Variants in HPR observed in about 807,000 individuals in gnomAD.
HPR encodes the protein Haptoglobin-related locus.
HPR carries 17 observed loss-of-function variants against 18.5 expected under a neutral mutation model. The observed-to-expected ratio is 0.92, with a 90% confidence interval of 0.63 to 1.38. The LOEUF (loss-of-function observed/expected upper bound fraction) is 1.38, where lower values mean the gene tolerates loss of function less well. Among genes scored for constraint, HPR ranks in the 40% most tolerant of loss-of-function variants. The pLI, the probability that HPR is intolerant of heterozygous loss-of-function variation, is 0.00. For synonymous variants in HPR, 176 were observed against 165.0 expected (o/e 1.07, Z -0.51); for missense variants, 457 against 432.4 (o/e 1.06, Z -0.51).
chr16:72,066,020 T>C (rs1346107372), intron 1 of HPR, among the ~76,000 whole-genome samples: 2 of 152,190 alleles, frequency 1.3e-5, no homozygotes, highest in Admixed American at 1.3e-4. Context: ...CCCAAGAGCC[T>C]GTTCATTGCC....
chr16:72,071,656 T>C (rs2041656829), intron 1 of HPR, among the ~76,000 whole-genome samples: 1 of 152,208 alleles, frequency 6.6e-6, no homozygotes, highest in Non-Finnish European at 1.5e-5. Flanking sequence ...AGCTTACCCA[T>C]CAGTCTGCCC....
intron 1 of HPR, among the ~76,000 whole-genome samples, chr16:72,072,958 CTG>C (rs1474325370): frequency 6.6e-6 from 1 of 152,160 alleles, no homozygotes; most frequent in Non-Finnish European, 1.5e-5. Flanking sequence ...TCCTTACTCT[CTG>C]TGTTCTCCCT....
At position 72,076,924 on chromosome 16, in the gene HPR, C is replaced by T. The variant is rs368733337; in HGVS notation, c.890C>T (p.Ala297Val). ...KYQEDTCYGD[A>V]GSAFAVHDLE... is the part of the protein sequence containing the mutation. ...CAGGAAGACACCTGCTATGGCGATG[C>T]GGGCAGTGCCTTTGCCGTTCACGAC... The change falls in exon 5 of 5, where the codon GCG (alanine) becomes GTG (valine). Residue 297 changes from alanine to valine, a missense_variant. Transcript: ENST00000540303. The T allele has an allele frequency of 1.8e-4, 291 of 1,614,090 alleles. No individual in the cohort carries two copies. Among genetic ancestry groups the T allele is most frequent in the East Asian group, 4.0e-4 (18 of 44,898 alleles).
At chr16:72,075,099 G>A (rs1237735915) in intron 3 of HPR, 46 bp from the exon 4 acceptor site, 1 of 731,136 alleles carries the variant, frequency 1.4e-6, no homozygotes, top group African/African-American at 1.7e-5. Context: ...TGCTCTGGGT[G>A]CAGACTTGAC....
At chr16:72,065,969 T>C (rs1469482208) in intron 1 of HPR, among the ~76,000 whole-genome samples, 1 of 152,188 alleles carries the variant, frequency 6.6e-6, no homozygotes, top group Non-Finnish European at 1.5e-5. Context: ...CAACTCATGA[T>C]GTTCCTCCCG....
chr16:72,077,054 G>A lies in HPR; in HGVS notation c.1020G>A (p.Trp340Ter), dbSNP rs1398972931. 1.2e-5 allele frequency: 20 copies of A among 1,613,182 alleles called. No individual in the cohort carries two copies. Among genetic ancestry groups the A allele is most frequent in the Non-Finnish European group, 1.6e-5 (19 of 1,179,714 alleles). The change falls in exon 5 of 5, where the codon TGG (tryptophan) becomes TGA (stop). Residue 340 changes from tryptophan to a stop codon, truncating the protein, a stop_gained. Transcript: ENST00000540303. LOFTEE classifies it high-confidence loss of function. ...TGAAGGTGACTTCCATCCAGCACTGGGTTCAGAAGACCATAGCTGAGAACT... is the reference window on the plus strand; with the variant it reads ...TGAAGGTGACTTCCATCCAGCACTGAGTTCAGAAGACCATAGCTGAGAACT... The part of the protein sequence containing the change: ...VYVKVTSIQH[W>*]VQKTIAEN
At chr16:72,069,179 G>GAACAGGCTCCTC (rs1286870428) in intron 1 of HPR, among the ~76,000 whole-genome samples, 31 of 152,284 alleles carry the variant, frequency 2.0e-4, no homozygotes, top group African/African-American at 7.2e-4. Flanking sequence ...CTGATTCTAA[G>GAACAGGCTCCTC]TATGCCTTTG....
At chr16:72,066,859 T>C (rs1362403380) in intron 1 of HPR, among the ~76,000 whole-genome samples, 1 of 152,124 alleles carries the variant, frequency 6.6e-6, no homozygotes, top group African/African-American at 2.4e-5. Flanking sequence ...GTTATCTACT[T>C]TCCAGCAGGT....
At position 72,076,891 on chromosome 16, in the gene HPR, C is replaced by CT; in HGVS notation, c.858dup (p.Lys287Ter). 6.2e-7 allele frequency: 1 copy of CT among 1,614,234 alleles called. No homozygotes were observed. The highest frequency in any genetic ancestry group is 1.1e-5 in the South Asian group (1 of 91,084). The stretch of plus-strand genomic sequence containing the variant: ...GAACACACCTTCTGTGTCGGCATGT[C>CT]TAAGTACCAGGAAGACACCTGCTAT... On this transcript the variant is annotated frameshift_variant, in exon 5 of 5. Coordinates refer to ENST00000540303, the MANE Select transcript of HPR (RefSeq NM_020995.4). LOFTEE classifies it high-confidence loss of function.
At chr16:72,075,315 C>T in intron 4 of HPR, 96 bp downstream of exon 4, 1 of 656,144 alleles carries the variant, frequency 1.5e-6, no homozygotes, top group South Asian at 1.9e-5. Flanking sequence ...CCTCTGAGCA[C>T]ACAAGAGCCA....
chr16:72,064,549 G>A (rs181922599), intron 1 of HPR, among the ~76,000 whole-genome samples: 15 of 152,322 alleles, frequency 9.8e-5, no homozygotes, highest in South Asian at 4.1e-4. Context: ...TTAGCCAACC[G>A]GGTTCGGATT....
In HPR at chr16:72,074,573, C is replaced by T; in HGVS notation, c.193+188C>T. ...TGGGCAGACTAACTTTTGTCAGCCT[C>T]AGGTTTTCTGTTTTGTTAAGGGGAG... is the stretch of plus-strand genomic sequence containing the variant. On this transcript the variant is annotated intron_variant, in intron 3 of 4. Coordinates refer to ENST00000540303, the MANE Select transcript of HPR (RefSeq NM_020995.4). 1.8e-5 allele frequency: 13 copies of T among 728,872 alleles called. 1 individual carries two copies. The highest frequency in any genetic ancestry group is 1.6e-4 in the South Asian group (11 of 67,808). The allele number at this position is 728,872 out of a possible 1,614,324, so 45.2% of individuals were successfully genotyped here.
intron 1 of HPR, among the ~76,000 whole-genome samples, chr16:72,064,030 G>A (rs1597414450): frequency 6.6e-6 from 1 of 152,136 alleles, no homozygotes. Flanking sequence ...GTGAGCCACC[G>A]CACCCTGCCT....
chr16:72,064,619 AC>A (rs1197898436), intron 1 of HPR, among the ~76,000 whole-genome samples: 1 of 152,194 alleles, frequency 6.6e-6, no homozygotes, highest in African/African-American at 2.4e-5. Context: ...GCTGCGTTAG[AC>A]ATAAAAACCT....
Position 72,076,748 on chromosome 16 carries a change from G to A in HPR, c.714G>A (p.Leu238=). 1 of 1,614,224 alleles carries A rather than the reference G, an allele frequency of 6.2e-7. No homozygotes were observed. Among genetic ancestry groups the A allele is most frequent in the Non-Finnish European group, 8.5e-7 (1 of 1,180,046 alleles). The change falls in exon 5 of 5, where the codon CTG becomes CTA. Residue 238 remains leucine, a synonymous_variant. Coordinates refer to ENST00000540303, the MANE Select transcript of HPR (RefSeq NM_020995.4). ...ACAACTTTAAACTTACTGACCATCT[G>A]AAGTATGTCATGCTGCCTGTGGCTG... ...QSDNFKLTDH[L]KYVMLPVADQ... is the part of the protein sequence containing the mutation.
chr16:72,066,540 A>C (rs1481097505), intron 1 of HPR, among the ~76,000 whole-genome samples: 1 of 152,194 alleles, frequency 6.6e-6, no homozygotes, highest in East Asian at 1.9e-4. Context: ...GAATCAGTGA[A>C]TCCATACCCA....
At chr16:72,064,414 T>C (rs2041575782) in intron 1 of HPR, among the ~76,000 whole-genome samples, 1 of 152,146 alleles carries the variant, frequency 6.6e-6, no homozygotes, top group Non-Finnish European at 1.5e-5. Flanking sequence ...TCCTTACCCA[T>C]ACAGCCCACA....
At position 72,076,687 on chromosome 16, in the gene HPR, G is replaced by C. The variant is rs1172609723; in HGVS notation, c.653G>C (p.Gly218Ala). 1 of 1,614,010 alleles carries C rather than the reference G, an allele frequency of 6.2e-7. No individual in the cohort carries two copies. ...CCTTCAAAGAATTATGCAGAAGTAG[G>C]GCGTGTGGGTTACGTGTCTGGCTGG... ...CLPSKNYAEV[G>A]RVGYVSGWGQ... is the part of the protein sequence containing the mutation. Residue 218 changes from glycine (G) to alanine (A), a missense_variant, in exon 5 of 5, where the codon GGG (glycine) becomes GCG (alanine). Coordinates refer to ENST00000540303, the MANE Select transcript of HPR (RefSeq NM_020995.4).
At chr16:72,075,549 G>A (rs583320) in intron 4 of HPR, among the ~76,000 whole-genome samples, 21 of 152,314 alleles carry the variant, frequency 1.4e-4, no homozygotes, top group African/African-American at 4.6e-4. Flanking sequence ...CAAGTCAAGG[G>A]ATAACATAAA....
Sources: allele counts gnomAD v4.1 joint callset (sites outside exome capture counted in the v4.1 genomes callset), GRCh38; gene constraint gnomAD v4.1.1; transcripts MANE v1.5; gene names NCBI Gene and HGNC (gene_info 2026-07-23, HGNC 2026-07-21).